E2F7: variants seen among roughly 807,000 people sequenced by gnomAD.
E2F7 encodes the protein E2F transcription factor 7.
Under a neutral mutation model 81.1 loss-of-function variants are expected in E2F7, and 35 were observed. That is an observed-to-expected ratio of 0.43 (90% confidence interval 0.33 to 0.57). The LOEUF (loss-of-function observed/expected upper bound fraction) is 0.57, where lower values mean the gene tolerates loss of function less well. Ranked by LOEUF, E2F7 falls within the 20% of genes least tolerant of loss-of-function variation. E2F7 has a pLI of 0.04. For missense variants in E2F7, 961 were observed against 1,093.7 expected (o/e 0.88, Z 1.71); for synonymous variants, 416 against 416.2 (o/e 1.00, Z 0.01).
rs1035585588 is a variant in E2F7 at position 77,064,422 on chromosome 12, T to A, written c.93+121A>T. ...TTTTTAAAAAAGAATGTTTCTATAA[T>A]GTTTATCAATATTAATTATTATGCT... On this transcript the variant is annotated intron_variant, in intron 2 of 12. Coordinates refer to ENST00000322886, the MANE Select transcript of E2F7 (RefSeq NM_203394.3). 4 of 781,314 alleles carry A rather than the reference T, an allele frequency of 5.1e-6. No individual in the cohort carries two copies. In the African/African-American group the frequency reaches 7.0e-5, roughly 14 times the overall value. 48.4% of individuals were successfully genotyped at this position (781,314 alleles called of 1,614,324 possible).
At position 77,024,044 on chromosome 12, in the gene E2F7, G is replaced by T; in HGVS notation, c.2707C>A (p.Leu903Ile). Residue 903 changes from leucine to isoleucine, a missense_variant, in exon 13 of 13, where the codon CTA becomes ATA. Around this residue, in one of 3 missense-constraint regions of E2F7, gnomAD observed 587 missense variants for 620.3 expected, o/e 0.95. Coordinates refer to ENST00000322886, the MANE Select transcript of E2F7 (RefSeq NM_203394.3). ...SRNTSSAQRR[L>I]EIPSGGAD ...TCAGCGCCGCCGCTGGGGATTTCTA[G>T]TCTCCTCTGGGCCGAGCTGGTGTTT... is the stretch of plus-strand genomic sequence containing the variant. 1 of 1,613,988 alleles carries T rather than the reference G, an allele frequency of 6.2e-7. No homozygotes were observed.
At chr12:77,027,317 G>A (rs373791776) in intron 11 of E2F7, among the ~76,000 whole-genome samples, 172 of 152,266 alleles carry the variant, frequency 1.1e-3, no homozygotes, top group African/African-American at 3.9e-3. Context: ...CTAAGTGCCA[G>A]GTGCTATTAT....
At chr12:77,057,686 C>A (rs1955044014) in intron 2 of E2F7, among the ~76,000 whole-genome samples, 1 of 152,168 alleles carries the variant, frequency 6.6e-6, no homozygotes, top group South Asian at 2.1e-4. Flanking sequence ...TATATAGAAT[C>A]CACCTTTGGA....
At chr12:77,049,083 G>A (rs1377234545) in intron 4 of E2F7, among the ~76,000 whole-genome samples, 7 of 152,188 alleles carry the variant, frequency 4.6e-5, no homozygotes, top group African/African-American at 1.7e-4. Context: ...GCAGTCAGCA[G>A]TCCCTTGCCT....
At chr12:77,060,541 T>C (rs1213661040) in intron 2 of E2F7, among the ~76,000 whole-genome samples, 2 of 152,178 alleles carry the variant, frequency 1.3e-5, no homozygotes, top group South Asian at 2.1e-4. Flanking sequence ...CTCTGGGCCA[T>C]ATTTAGCCAA....
At position 77,025,602 on chromosome 12, in the gene E2F7, G is replaced by A. The variant is rs1325521308; in HGVS notation, c.2521C>T (p.Pro841Ser). ...GAGACTGGATGTCCCACGTAAACGG[G>A]GGACTCAGGTTGTTGGACGACACTG... The part of the protein sequence containing the change: ...SHSVVQQPES[P>S]VYVGHPVSVV... The change falls in exon 12 of 13, where the codon CCC (proline) becomes TCC (serine). Residue 841 changes from proline to serine, a missense_variant. Physicochemically the swap from Pro to Ser is moderately conservative, Grantham distance 74 (BLOSUM62 -1). Coordinates refer to ENST00000322886, the MANE Select transcript of E2F7 (RefSeq NM_203394.3). 3.1e-6 allele frequency: 5 copies of A among 1,614,204 alleles called. No individual in the cohort carries two copies. The South Asian group carries it at 5.5e-5, about 18-fold the overall frequency.
At chr12:77,044,914 T>C in intron 5 of E2F7, 119 bp from the exon 6 acceptor site, 4 of 1,171,672 alleles carry the variant, frequency 3.4e-6, no homozygotes, top group Admixed American at 2.7e-5. Flanking sequence ...CCCTTGTCAT[T>C]GGCAGAAGCT....
At position 77,028,879 on chromosome 12, in the gene E2F7, T is replaced by C. The variant is rs182382280; in HGVS notation, c.1885-741A>G. Among the ~76,000 whole-genome samples, 114 of 152,324 alleles carry C rather than the reference T, an allele frequency of 7.5e-4. No individual in the cohort carries two copies. In the East Asian group the frequency reaches 0.019, roughly 26 times the overall value. ...GTGTATGTCAGAGGTTTCCACTGTA[T>C]TTGTAGGAATGGTCTGAAAAGGTCA... On this transcript the variant is annotated intron_variant, in intron 10 of 12. Coordinates refer to ENST00000322886, the MANE Select transcript of E2F7 (RefSeq NM_203394.3).
rs1289380237 is a variant in E2F7, at chr12:77,023,943, G to C, written c.*72C>G. 6.4e-7 allele frequency: 1 copy of C among 1,552,182 alleles called. No individual in the cohort carries two copies. Among genetic ancestry groups the C allele is most frequent in the East Asian group, 2.2e-5 (1 of 44,482 alleles). On this transcript the variant is annotated 3_prime_UTR_variant, in exon 13 of 13. Transcript: ENST00000322886. ...AAGGACCCGTGCTCAGGACGGGATG[G>C]TTTGCATCCCGCCTCGGACATCCGG...
At chr12:77,058,551 A>G (rs1309857469) in intron 2 of E2F7, among the ~76,000 whole-genome samples, 3 of 152,128 alleles carry the variant, frequency 2.0e-5, no homozygotes, top group Non-Finnish European at 4.4e-5. Context: ...ACCTAGCGAG[A>G]GGCAGCATGG....
chr12:77,064,348 C>T (rs1333834693), intron 2 of E2F7, among the ~76,000 whole-genome samples, 195 bp downstream of exon 2: 2 of 152,124 alleles, frequency 1.3e-5, no homozygotes, highest in Non-Finnish European at 2.9e-5. Context: ...CTATTTTTCC[C>T]ACTATATCTG....
intron 4 of E2F7, among the ~76,000 whole-genome samples, chr12:77,050,022 A>G (rs1331309546): frequency 6.6e-6 from 1 of 152,160 alleles, no homozygotes; most frequent in African/African-American, 2.4e-5. Flanking sequence ...CTCACATCAT[A>G]CACTCATGCA....
Position 77,029,999 on chromosome 12 carries a change from C to G in E2F7, c.1716G>C (p.Glu572Asp). 6.2e-7 allele frequency: 1 copy of G among 1,614,218 alleles called. No homozygotes were observed. The change falls in exon 10 of 13, where the codon GAG (glutamate) becomes GAC (aspartate). Residue 572 changes from glutamate (E) to aspartate (D), a missense_variant. This residue lies in a region of E2F7 where 587 missense variants were observed against 620.3 expected (regional missense o/e 0.95). Coordinates refer to ENST00000322886, the MANE Select transcript of E2F7 (RefSeq NM_203394.3). ...GGGCTTCTGAGCTTCTGTCATCCCTCTCTGACCCTGACCCTGACGCTGGTC... is the reference window on the plus strand; with the variant it reads ...GGGCTTCTGAGCTTCTGTCATCCCTGTCTGACCCTGACCCTGACGCTGGTC... ...QEGPASGSGS[E>D]RDDRSSEAPA...
rs926575616 is a variant in E2F7, at chr12:77,044,739, T to G, written c.886A>C (p.Met296Leu). 1 of 1,614,060 alleles carries G rather than the reference T, an allele frequency of 6.2e-7. No individual in the cohort carries two copies. Among genetic ancestry groups the G allele is most frequent in the Non-Finnish European group, 8.5e-7 (1 of 1,180,022 alleles). Residue 296 changes from methionine (M) to leucine (L), a missense_variant, in exon 6 of 13, where the codon ATG becomes CTG. Transcript: ENST00000322886. ...TTGGTTTTGGAGACGAGGAACAGCA[T>G]GACAAACTTCTGGCTCATAATTCTC... ...SLRIMSQKFV[M>L]LFLVSKTKIV...
intron 2 of E2F7, among the ~76,000 whole-genome samples, chr12:77,058,100 G>A (rs775696864): frequency 3.9e-5 from 6 of 152,118 alleles, no homozygotes; most frequent in Non-Finnish European, 7.3e-5. Flanking sequence ...TGGAAGTGGC[G>A]ATTTCTCATA....
chr12:77,033,222 C>A, intron 8 of E2F7, 100 bp from the exon 9 acceptor site: 1 of 1,057,548 alleles, frequency 9.5e-7, no homozygotes, highest in South Asian at 1.7e-5. Flanking sequence ...ATTCTCAGCT[C>A]AAAGATTACT....
chr12:77,030,064 A>C lies in E2F7; in HGVS notation c.1651T>G (p.Ser551Ala). Residue 551 changes from serine (S) to alanine (A), a missense_variant, in exon 10 of 13, where the codon TCT becomes GCT. Ser to Ala is a moderately conservative substitution (Grantham distance 99, BLOSUM62 1). Transcript: ENST00000322886. Reference protein sequence around the residue: ...LAGQPLVYVPSASLFMLYGSL... With the variant: ...LAGQPLVYVPAASLFMLYGSL... ...CCATACAGCATGAACAGTGAGGCAGAGGGCACATACACTAGAGGCTGGCCA... is the reference window on the plus strand; with the variant it reads ...CCATACAGCATGAACAGTGAGGCAGCGGGCACATACACTAGAGGCTGGCCA... The C allele has an allele frequency of 6.2e-7, 1 of 1,614,198 alleles. No individual in the cohort carries two copies. Among genetic ancestry groups the C allele is most frequent in the East Asian group, 2.2e-5 (1 of 44,872 alleles).
rs1954754690 is a variant in E2F7, at chr12:77,025,925, G to A, written c.2198C>T (p.Pro733Leu). 4 of 1,614,008 alleles carry A rather than the reference G, an allele frequency of 2.5e-6. No homozygotes were observed. The highest frequency in any genetic ancestry group is 1.7e-4 in the Middle Eastern group (1 of 6,058). The change falls in exon 12 of 13, where the codon CCG becomes CTG. Residue 733 changes from proline (P) to leucine (L), a missense_variant. Transcript: ENST00000322886. ...SGSQTPPTVG[P>L]SSGQLPSFSV... Reference sequence around the variant, plus strand: ...GAAAGACGGCAGCTGACCTGAGGACGGGCCCACAGTAGGGGGGGTTTGACT... The same window carrying A: ...GAAAGACGGCAGCTGACCTGAGGACAGGCCCACAGTAGGGGGGGTTTGACT...
At chr12:77,049,920 A>C (rs555479658) in intron 4 of E2F7, among the ~76,000 whole-genome samples, 7 of 152,308 alleles carry the variant, frequency 4.6e-5, no homozygotes, top group African/African-American at 1.7e-4. Context: ...AACGAGTGTC[A>C]ACAATATGTT....
Sources: gnomAD v4.1 joint callset for allele counts (sites outside exome capture counted in the v4.1 genomes callset) on GRCh38, gnomAD v4.1.1 for gene constraint, gnomAD v4.1.1 regional missense constraint, MANE v1.5 for transcripts, NCBI Gene and HGNC (gene_info 2026-07-23, HGNC 2026-07-21) for gene names.